Variants in ANXA3 observed in about 807,000 individuals in gnomAD.
ANXA3 encodes the protein annexin A3, also known as 35-alpha calcimedin.
In ANXA3, 46 loss-of-function variants were observed where a neutral mutation model predicts 48.8. That is an observed-to-expected ratio of 0.94 (90% CI 0.74 to 1.21). ANXA3 has a LOEUF of 1.21. ANXA3 is among the 50% of genes most tolerant of loss of function. The probability of loss-of-function intolerance (pLI) is 0.00; values close to 1 mark genes in which losing one functional copy is unlikely to be tolerated. For missense variants in ANXA3, 383 were observed against 378.6 expected (o/e 1.01, Z -0.10); for synonymous variants, 128 against 134.7 (o/e 0.95, Z 0.35).
intron 2 of ANXA3, among the ~76,000 whole-genome samples, chr4:78,566,223 T>G (rs1047307600): frequency 6.6e-6 from 1 of 152,132 alleles, no homozygotes; most frequent in African/African-American, 2.4e-5. Context: ...CAATGGCTTG[T>G]TTGTCCCTGT....
At chr4:78,609,977 A>G in intron 12 of ANXA3, 79 bp from the exon 13 acceptor site, 1 of 1,059,496 alleles carries the variant, frequency 9.4e-7, no homozygotes, top group Non-Finnish European at 1.4e-6. Flanking sequence ...TGAATTCCCT[A>G]GTGCTATAGG....
At chr4:78,567,323 G>A (rs1381588661) in intron 2 of ANXA3, among the ~76,000 whole-genome samples, 7 of 152,188 alleles carry the variant, frequency 4.6e-5, no homozygotes, top group Non-Finnish European at 1.0e-4. Context: ...GGTCAGGGCC[G>A]TCCTCCCTCT....
In ANXA3 at chr4:78,576,734, G is replaced by A. The variant is rs148486159; in HGVS notation, c.104-2293G>A. Among the ~76,000 whole-genome samples, 55 of 152,298 alleles carry A rather than the reference G, an allele frequency of 3.6e-4. 1 individual carries two copies. In the East Asian group the frequency reaches 9.8e-3, roughly 27 times the overall value. On this transcript the variant is annotated intron_variant, in intron 3 of 12. Coordinates refer to ENST00000264908, the MANE Select transcript of ANXA3 (RefSeq NM_005139.3). ...CTTACAGGCCTTCTTTAAGAAGGAG[G>A]TTATTGTTTATGAGCACCACTTCTG...
intron 2 of ANXA3, among the ~76,000 whole-genome samples, chr4:78,555,852 TA>T (rs58427168): frequency 1.9e-4 from 28 of 145,534 alleles, no homozygotes; most frequent in African/African-American, 6.1e-4. Flanking sequence ...CCCTATCTAT[TA>T]AAAAAAAAAA....
chr4:78,579,232 G>A, intron 4 of ANXA3, 111 bp downstream of exon 4: 1 of 675,372 alleles, frequency 1.5e-6, no homozygotes, highest in Non-Finnish European at 2.6e-6. Flanking sequence ...AACAGAAGAT[G>A]CCCTGTGCAT....
intron 10 of ANXA3, 50 bp from the exon 11 acceptor site, chr4:78,601,460 A>C: frequency 1.3e-6 from 2 of 1,553,656 alleles, no homozygotes; most frequent in South Asian, 1.1e-5. Context: ...ACTATAGATT[A>C]ACCCAATTTC....
rs544680965 is a variant in ANXA3, at chr4:78,597,030, T to A, written c.635-289T>A. On this transcript the variant is annotated intron_variant, in intron 9 of 12. Transcript: ENST00000264908. Reference sequence around the variant, plus strand: ...AGCCCAACTTACTGGATAAATTATTTATTATTTAACTATTTAGGCTATTTA... The same window carrying A: ...AGCCCAACTTACTGGATAAATTATTAATTATTTAACTATTTAGGCTATTTA... 4.0e-4 allele frequency: 91 copies of A among 227,370 alleles called. No individual in the cohort carries two copies. In the Admixed American group the frequency reaches 5.5e-3, roughly 14 times the overall value. The allele number at this position is 227,370 out of a possible 1,614,324, so 14.1% of individuals were successfully genotyped here. A position where few individuals can be genotyped will look rare whatever the true frequency, so the allele number is the denominator to read the frequency against.
intron 6 of ANXA3, 99 bp from the exon 7 acceptor site, chr4:78,591,443 CAT>C: frequency 1.3e-6 from 1 of 757,776 alleles, no homozygotes; most frequent in Non-Finnish European, 2.3e-6. Context: ...TATCTTATCA[CAT>C]ACCCATTCTT....
chr4:78,595,373 C>T lies in ANXA3; in HGVS notation c.484-8C>T. ...AAGGATGGCCCTTGTTTTCGTCCTC[C>T]TGTTTAGGGCAGAAGAGATGAAAGT... On this transcript the variant is annotated splice_region_variant and splice_polypyrimidine_tract_variant and intron_variant, in intron 7 of 12. Coordinates refer to ENST00000264908, the MANE Select transcript of ANXA3 (RefSeq NM_005139.3). The T allele has an allele frequency of 6.2e-7, 1 of 1,613,852 alleles. No homozygotes were observed. The highest frequency in any genetic ancestry group is 8.5e-7 in the Non-Finnish European group (1 of 1,179,878).
At chr4:78,560,226 A>G (rs1722600422) in intron 2 of ANXA3, among the ~76,000 whole-genome samples, 1 of 152,224 alleles carries the variant, frequency 6.6e-6, no homozygotes, top group African/African-American at 2.4e-5. Context: ...CAGCATTAGC[A>G]TCAGATTCCA....
chr4:78,596,205 G>A (rs1395945010), intron 9 of ANXA3, among the ~76,000 whole-genome samples: 1 of 152,204 alleles, frequency 6.6e-6, no homozygotes, highest in African/African-American at 2.4e-5. Context: ...GAATGGAGAA[G>A]CCCAACTGCT....
rs557580599 is a variant in ANXA3, at chr4:78,587,358, T to A, written c.403+1008T>A. Reference sequence around the variant, plus strand: ...GTTGATCTTTCTGATGTGACCAGCCTTTATTCTGGGTCATATTGTTAGCAT... The same window carrying A: ...GTTGATCTTTCTGATGTGACCAGCCATTATTCTGGGTCATATTGTTAGCAT... On this transcript the variant is annotated intron_variant, in intron 6 of 12. Transcript: ENST00000264908. Among the ~76,000 whole-genome samples the A allele has an allele frequency of 3.9e-5, 6 of 152,354 alleles. No homozygotes were observed. The East Asian group carries it at 5.8e-4, about 15-fold the overall frequency.
intron 5 of ANXA3, among the ~76,000 whole-genome samples, chr4:78,582,580 A>T (rs7660496): frequency 2.0e-4 from 30 of 152,156 alleles, no homozygotes; most frequent in African/African-American, 6.8e-4. Context: ...CACTCAAGCT[A>T]AAAACCTAGC....
At chr4:78,556,913 C>T (rs1473616300) in intron 2 of ANXA3, among the ~76,000 whole-genome samples, 1 of 152,186 alleles carries the variant, frequency 6.6e-6, no homozygotes, top group Non-Finnish European at 1.5e-5. Flanking sequence ...AGGGTGTATT[C>T]ATTTCCTATT....
intron 2 of ANXA3, among the ~76,000 whole-genome samples, chr4:78,556,701 C>T (rs1272860061): frequency 6.6e-6 from 1 of 152,062 alleles, no homozygotes; most frequent in Non-Finnish European, 1.5e-5. Flanking sequence ...ATCTGAAATC[C>T]CTGCTGCTTT....
At chr4:78,555,204 C>CA (rs1470160294) in intron 2 of ANXA3, among the ~76,000 whole-genome samples, 1 of 151,724 alleles carries the variant, frequency 6.6e-6, no homozygotes, top group Non-Finnish European at 1.5e-5. Flanking sequence ...GACTCCGTCT[C>CA]AAAAAAATAG....
In ANXA3 at chr4:78,573,245, T is replaced by C. The variant is rs1722877950; in HGVS notation, c.81T>C (p.Ile27=). The C allele has an allele frequency of 6.2e-7, 1 of 1,613,046 alleles. No homozygotes were observed. The highest frequency in any genetic ancestry group is 8.5e-7 in the Non-Finnish European group (1 of 1,179,214). ...GCCCATCAGTGGATGCTGAAGCTAT[T>C]CAGAAAGCAATCAGAGGAATTGGTG... is the stretch of plus-strand genomic sequence containing the variant. ...DFSPSVDAEA[I]QKAIRGIGTD... Residue 27 remains isoleucine (I), a synonymous_variant, in exon 3 of 13, where the codon ATT becomes ATC. Coordinates refer to ENST00000264908, the MANE Select transcript of ANXA3 (RefSeq NM_005139.3).
At chr4:78,607,893 G>T (rs573433315) in intron 12 of ANXA3, among the ~76,000 whole-genome samples, 2 of 152,188 alleles carry the variant, frequency 1.3e-5, no homozygotes, top group South Asian at 2.1e-4. Flanking sequence ...GATCAATAGG[G>T]TCTTAAAAGT....
chr4:78,581,612 A>G (rs936310469), intron 4 of ANXA3, among the ~76,000 whole-genome samples: 3 of 152,216 alleles, frequency 2.0e-5, no homozygotes, highest in African/African-American at 7.2e-5. Flanking sequence ...AATAAGTACA[A>G]TTATTATTTG....
Sources: allele counts gnomAD v4.1 joint callset (sites outside exome capture counted in the v4.1 genomes callset), GRCh38; gene constraint gnomAD v4.1.1; transcripts MANE v1.5; gene names NCBI Gene and HGNC (gene_info 2026-07-23, HGNC 2026-07-21).